Variants in GLIS1 observed in about 807,000 individuals in gnomAD.
GLIS1 encodes the protein zinc finger protein GLIS1.
In GLIS1, 24 loss-of-function variants were observed where a neutral mutation model predicts 63.8. That is an observed-to-expected ratio of 0.38 (90% CI 0.27 to 0.53). The LOEUF is 0.53. Among genes scored for constraint, GLIS1 ranks in the 20% least tolerant of loss-of-function variants. The pLI is 0.85. For missense variants in GLIS1, 1,036 were observed against 1,074.1 expected (o/e 0.96, Z 0.50); for synonymous variants, 450 against 482.5 (o/e 0.93, Z 0.88).
intron 4 of GLIS1, among the ~76,000 whole-genome samples, chr1:53,577,845 C>A (rs934387558): frequency 5.9e-5 from 9 of 152,074 alleles, no homozygotes; most frequent in Admixed American, 3.9e-4. Flanking sequence ...AACTAAGGAA[C>A]CTGGCAGGTA....
At chr1:53,525,022 C>T (rs990012743) in intron 5 of GLIS1, 135 bp from the exon 6 acceptor site, 11 of 660,430 alleles carry the variant, frequency 1.7e-5, no homozygotes, top group Admixed American at 5.6e-5. Context: ...TCAGCCAGCC[C>T]GGCCCAGCTG....
intron 4 of GLIS1, among the ~76,000 whole-genome samples, chr1:53,582,410 CT>C (rs1645094521): frequency 6.6e-6 from 1 of 152,184 alleles, no homozygotes; most frequent in Non-Finnish European, 1.5e-5. Context: ...GAATCAGACC[CT>C]GCTAGGAGGG....
intron 2 of GLIS1, among the ~76,000 whole-genome samples, chr1:53,694,667 G>C (rs560309462): frequency 6.6e-6 from 1 of 152,174 alleles, no homozygotes; most frequent in Non-Finnish European, 1.5e-5. Flanking sequence ...TCAAGGGCTC[G>C]GACCTGGGAC....
At chr1:53,676,067 G>C (rs958670160) in intron 2 of GLIS1, among the ~76,000 whole-genome samples, 12 of 151,998 alleles carry the variant, frequency 7.9e-5, no homozygotes, top group Non-Finnish European at 1.8e-4. Flanking sequence ...CGTAGACTTG[G>C]TTCACAATTC....
chr1:53,557,371 G>A (rs1032762441), intron 4 of GLIS1, among the ~76,000 whole-genome samples: 9 of 152,246 alleles, frequency 5.9e-5, no homozygotes, highest in Non-Finnish European at 1.2e-4. Flanking sequence ...CTTGGCCATG[G>A]TCACTCAGAT....
intron 2 of GLIS1, among the ~76,000 whole-genome samples, chr1:53,709,527 ATGGG>A (rs964242453): frequency 1.3e-5 from 2 of 151,594 alleles, no homozygotes; most frequent in African/African-American, 2.4e-5. Flanking sequence ...GGTTACATAG[ATGGG>A]TGGGTGGGTT....
At position 53,734,075 on chromosome 1, in the gene GLIS1, T is replaced by C. The variant is rs1162572865; in HGVS notation, c.259+3731A>G. 9 of 984,076 alleles carry C rather than the reference T, an allele frequency of 9.1e-6. No homozygotes were observed. In the Admixed American group the frequency reaches 3.1e-4, roughly 34 times the overall value. 61.0% of individuals were successfully genotyped at this position (984,076 alleles called of 1,614,324 possible). A position where few individuals can be genotyped will look rare whatever the true frequency, so the allele number is the denominator to read the frequency against. On this transcript the variant is annotated intron_variant, in intron 2 of 10. Transcript: ENST00000628545. ...ATCTACAATTCCTTTTTTTTTTTTT[T>C]CAAGTTACAAGACTGACTGCTTTTT... is the stretch of plus-strand genomic sequence containing the variant.
intron 2 of GLIS1, among the ~76,000 whole-genome samples, chr1:53,607,824 A>G (rs183513279): frequency 7.9e-5 from 12 of 152,308 alleles, no homozygotes; most frequent in Non-Finnish European, 1.5e-4. Context: ...GTCCAAGATC[A>G]AGTTGCCAGT....
At chr1:53,632,044 G>A (rs887269628) in intron 2 of GLIS1, among the ~76,000 whole-genome samples, 1 of 151,400 alleles carries the variant, frequency 6.6e-6, no homozygotes, top group African/African-American at 2.4e-5. Flanking sequence ...GTAAGAGAGA[G>A]GTGTGTGAAT....
At position 53,594,393 on chromosome 1, in the gene GLIS1, C is replaced by T; in HGVS notation, c.1035G>A (p.Leu345=). The change falls in exon 4 of 11, where the codon CTG becomes CTA. Residue 345 remains leucine, a synonymous_variant. Coordinates refer to ENST00000628545, the MANE Select transcript of GLIS1 (RefSeq NM_001367484.1). The stretch of plus-strand genomic sequence containing the variant: ...GGCTTGGGCCAGGCGGCAACTGAGA[C>T]AGGGGATAGGGGGGCGGCAGGCCCT... ...HQQGLPPPYP[L]SQLPPGPSLG... 1.2e-6 allele frequency: 2 copies of T among 1,611,820 alleles called. No homozygotes were observed. The highest frequency in any genetic ancestry group is 1.7e-6 in the Non-Finnish European group (2 of 1,179,200).
rs908934383 is a variant in GLIS1 at position 53,728,629 on chromosome 1, C to T, written c.259+9177G>A. ...ACTTCATGCCAGACTTTGTGCTGGA[C>T]ACAAGAATACAAAGATGAATCTTTG... On this transcript the variant is annotated intron_variant, in intron 2 of 10. Transcript: ENST00000628545. Among the ~76,000 whole-genome samples, 10 of 152,176 alleles carry T rather than the reference C, an allele frequency of 6.6e-5. 1 individual carries two copies. The highest frequency in any genetic ancestry group is 5.9e-4 in the Admixed American group (9 of 15,268).
chr1:53,678,834 G>T (rs570922567), intron 2 of GLIS1, among the ~76,000 whole-genome samples: 1 of 152,184 alleles, frequency 6.6e-6, no homozygotes, highest in African/African-American at 2.4e-5. Context: ...GGAAAGCACC[G>T]CACAAGCTGA....
chr1:53,663,510 C>T (rs1035632797), intron 2 of GLIS1, among the ~76,000 whole-genome samples: 9 of 152,220 alleles, frequency 5.9e-5, no homozygotes, highest in African/African-American at 2.2e-4. Flanking sequence ...GCCCCTTCAC[C>T]CCACCAGCTG....
intron 2 of GLIS1, among the ~76,000 whole-genome samples, chr1:53,667,288 T>A (rs1442264651): frequency 4.6e-5 from 7 of 152,372 alleles, no homozygotes; most frequent in Admixed American, 3.3e-4. Context: ...ATGAGCTCCA[T>A]GAGGGCCTCA....
chr1:53,713,855 T>A (rs933211038), intron 2 of GLIS1, among the ~76,000 whole-genome samples: 9 of 152,160 alleles, frequency 5.9e-5, no homozygotes, highest in African/African-American at 2.2e-4. Flanking sequence ...AGGGTGGAGA[T>A]AGCTCCTAAG....
intron 8 of GLIS1, among the ~76,000 whole-genome samples, chr1:53,510,359 C>T (rs1262925515): frequency 2.6e-5 from 4 of 152,224 alleles, no homozygotes; most frequent in African/African-American, 9.6e-5. Context: ...TCTCTGAGCC[C>T]TGGTTTCCTG....
intron 7 of GLIS1, among the ~76,000 whole-genome samples, chr1:53,517,907 C>T (rs1344087420): frequency 1.3e-5 from 2 of 152,206 alleles, no homozygotes; most frequent in Non-Finnish European, 2.9e-5. Context: ...ACCATGTCAG[C>T]GAACAGCAGA....
chr1:53,644,446 G>A (rs1192550275), intron 2 of GLIS1, among the ~76,000 whole-genome samples: 1 of 152,184 alleles, frequency 6.6e-6, no homozygotes. Context: ...GAACAAAACA[G>A]ACAAAAATCC....
chr1:53,631,846 G>A (rs909997501), intron 2 of GLIS1, among the ~76,000 whole-genome samples: 4 of 152,116 alleles, frequency 2.6e-5, no homozygotes, highest in African/African-American at 9.7e-5. Context: ...CCAAGGCCCT[G>A]AGGGAGCAGC....
Sources: allele counts gnomAD v4.1 joint callset (sites outside exome capture counted in the v4.1 genomes callset), GRCh38; gene constraint gnomAD v4.1.1; transcripts MANE v1.5; gene names NCBI Gene and HGNC (gene_info 2026-07-23, HGNC 2026-07-21).